Variants in MIPEP observed in about 807,000 individuals in gnomAD.
The protein encoded by MIPEP is mitochondrial intermediate peptidase.
Under a neutral mutation model 90.3 loss-of-function variants are expected in MIPEP, and 79 were observed. The ratio of observed to expected loss-of-function variants is 0.87; its 90% CI spans 0.73 to 1.05. The LOEUF is 1.05. MIPEP is among the 50% of genes least tolerant of loss of function. MIPEP has a pLI of 0.00. For synonymous variants in MIPEP, 334 were observed against 315.8 expected (o/e 1.06, Z -0.61); for missense variants, 940 against 905.6 (o/e 1.04, Z -0.49).
chr13:23,836,037 C>T (rs1468905500), intron 14 of MIPEP, among the ~76,000 whole-genome samples: 1 of 152,000 alleles, frequency 6.6e-6, no homozygotes, highest in Non-Finnish European at 1.5e-5. Flanking sequence ...AGCTATTTTT[C>T]AACACATGAC....
chr13:23,778,925 AC>A, intron 16 of MIPEP, among the ~76,000 whole-genome samples: 1 of 151,822 alleles, frequency 6.6e-6, no homozygotes, highest in Non-Finnish European at 1.5e-5. Context: ...GATTAATCTC[AC>A]TCTCCTCAGA....
At chr13:23,831,493 T>C (rs1868759849) in intron 14 of MIPEP, among the ~76,000 whole-genome samples, 2 of 152,038 alleles carry the variant, frequency 1.3e-5, no homozygotes, top group African/African-American at 2.4e-5. Flanking sequence ...CTTACAATTC[T>C]GTAGGCTAGG....
In MIPEP at chr13:23,862,368, A is replaced by T. The variant is rs763425418; in HGVS notation, c.993-6T>A. The stretch of plus-strand genomic sequence containing the variant: ...TCTCAAAATCTTTCAGAGTTCTATA[A>T]AACAGGTTTATCATTACTTGTTAGG... On this transcript the variant is annotated splice_polypyrimidine_tract_variant and splice_region_variant and intron_variant, in intron 8 of 18. Coordinates refer to ENST00000382172, the MANE Select transcript of MIPEP (RefSeq NM_005932.4). 4.5e-6 allele frequency: 7 copies of T among 1,552,378 alleles called. No homozygotes were observed. In the Admixed American group the frequency reaches 1.2e-4, roughly 27 times the overall value.
intron 15 of MIPEP, among the ~76,000 whole-genome samples, chr13:23,808,499 C>T (rs1037023288): frequency 6.6e-6 from 1 of 152,158 alleles, no homozygotes; most frequent in African/African-American, 2.4e-5. Context: ...AAGCTGAACC[C>T]AGGCAGCTCC....
intron 1 of MIPEP, among the ~76,000 whole-genome samples, chr13:23,886,738 AAACAAC>A (rs558565559): frequency 1.1e-3 from 160 of 152,184 alleles, no homozygotes; most frequent in Non-Finnish European, 7.1e-4. Context: ...TTTCCGGAAA[AAACAAC>A]AACAACAATG....
chr13:23,794,305 T>C (rs1414567849), intron 16 of MIPEP, among the ~76,000 whole-genome samples: 1 of 152,138 alleles, frequency 6.6e-6, no homozygotes, highest in African/African-American at 2.4e-5. Context: ...CCCTGTGATT[T>C]TTTAATCATG....
At chr13:23,791,908 G>A (rs932364366) in intron 16 of MIPEP, among the ~76,000 whole-genome samples, 4 of 151,990 alleles carry the variant, frequency 2.6e-5, no homozygotes, top group Non-Finnish European at 4.4e-5. Context: ...AGTCAATAAC[G>A]ACCTTCACCT....
At chr13:23,846,437 A>C (rs1293876987) in intron 10 of MIPEP, among the ~76,000 whole-genome samples, 1 of 152,158 alleles carries the variant, frequency 6.6e-6, no homozygotes, top group Non-Finnish European at 1.5e-5. Flanking sequence ...AGTTCAATAT[A>C]GTTTGTGTAT....
intron 18 of MIPEP, among the ~76,000 whole-genome samples, chr13:23,738,307 T>G (rs1108152): frequency 0.34 from 51,142 of 151,924 alleles, 8,857 homozygotes; most frequent in South Asian, 0.48. Context: ...ACTATGAAGT[T>G]TTTTCTTGGT....
chr13:23,829,748 A>G (rs1868646518), intron 14 of MIPEP, among the ~76,000 whole-genome samples: 1 of 152,222 alleles, frequency 6.6e-6, no homozygotes, highest in East Asian at 1.9e-4. Flanking sequence ...TTGAGGGGCC[A>G]GCCTGGGCAA....
At chr13:23,757,687 T>C (rs1952502211) in intron 17 of MIPEP, among the ~76,000 whole-genome samples, 2 of 152,014 alleles carry the variant, frequency 1.3e-5, no homozygotes, top group Admixed American at 6.6e-5. Context: ...AAAGGCACAG[T>C]GGAGGCTGCC....
chr13:23,858,795 A>G, intron 10 of MIPEP, 65 bp downstream of exon 10: 4 of 1,405,494 alleles, frequency 2.8e-6, no homozygotes, highest in Non-Finnish European at 4.0e-6. Context: ...GGATGACAGT[A>G]GCTGCTGAAT....
intron 16 of MIPEP, among the ~76,000 whole-genome samples, chr13:23,767,743 C>A (rs79206576): frequency 0.019 from 2,827 of 152,230 alleles, 92 homozygotes; most frequent in African/African-American, 0.065. Context: ...TGAGCCACCA[C>A]GCCTGGCCCT....
chr13:23,747,005 T>C (rs528202205), intron 18 of MIPEP, among the ~76,000 whole-genome samples: 5 of 152,318 alleles, frequency 3.3e-5, no homozygotes, highest in Non-Finnish European at 7.3e-5. Context: ...AAAACAGAAG[T>C]TGAAGAAGAC....
intron 16 of MIPEP, among the ~76,000 whole-genome samples, chr13:23,798,999 GGT>G (rs1952998625): frequency 8.7e-6 from 1 of 115,528 alleles, no homozygotes; most frequent in Non-Finnish European, 1.8e-5. Flanking sequence ...TAATTTTTTT[GGT>G]TTTTTTTTTT....
intron 18 of MIPEP, among the ~76,000 whole-genome samples, chr13:23,731,576 GA>G (rs1952205105): frequency 6.6e-6 from 1 of 152,264 alleles, no homozygotes; most frequent in African/African-American, 2.4e-5. Flanking sequence ...TTGTGACCCT[GA>G]AGTAGGTATA....
intron 16 of MIPEP, among the ~76,000 whole-genome samples, chr13:23,772,355 G>A (rs1952662744): frequency 1.3e-5 from 2 of 151,978 alleles, no homozygotes; most frequent in Non-Finnish European, 1.5e-5. Flanking sequence ...AGTTGTGGCT[G>A]AAATATATGG....
intron 8 of MIPEP, among the ~76,000 whole-genome samples, chr13:23,863,076 G>T (rs191159769): frequency 4.2e-4 from 64 of 152,254 alleles, no homozygotes; most frequent in African/African-American, 1.5e-3. Flanking sequence ...GAGTTCTAAG[G>T]CATGAGTTTA....
At chr13:23,742,164 T>C (rs1363517470) in intron 18 of MIPEP, among the ~76,000 whole-genome samples, 7 of 152,252 alleles carry the variant, frequency 4.6e-5, no homozygotes. Context: ...TATCTTATTA[T>C]TTGAAATTTC....
Sources: allele counts gnomAD v4.1 joint callset (sites outside exome capture counted in the v4.1 genomes callset), GRCh38; gene constraint gnomAD v4.1.1; transcripts MANE v1.5; gene names NCBI Gene and HGNC (gene_info 2026-07-23, HGNC 2026-07-21).